The following PIK3R3 variants were observed in gnomAD, a reference collection of about 807,000 sequenced individuals.
PIK3R3 encodes the protein phosphatidylinositol 3-kinase regulatory subunit gamma.
Under a neutral mutation model 62.9 loss-of-function variants are expected in PIK3R3, and 64 were observed. That is an observed-to-expected ratio of 1.02 (90% CI 0.83 to 1.25). The LOEUF (loss-of-function observed/expected upper bound fraction) is 1.25. Among genes scored for constraint, PIK3R3 ranks in the 50% most tolerant of loss-of-function variants. The pLI is 0.00. For missense variants in PIK3R3, 614 were observed against 561.6 expected (o/e 1.09, Z -0.94); for synonymous variants, 165 against 189.0 (o/e 0.87, Z 1.04).
intron 3 of PIK3R3, among the ~76,000 whole-genome samples, chr1:46,071,696 C>CAAAAAAAA (rs1331276065): frequency 1.2e-4 from 2 of 17,252 alleles, no homozygotes; most frequent in African/African-American, 4.6e-4. Flanking sequence ...ACTCTGTCTC[C>CAAAAAAAA]AAAAAAAAAA....
the PIK3R3 span, among the ~76,000 whole-genome samples, chr1:46,143,767 G>T: frequency 6.6e-6 from 1 of 152,160 alleles, no homozygotes; most frequent in Non-Finnish European, 1.5e-5. Flanking sequence ...ATGGATGTGA[G>T]CTGCTATGCC....
intron 3 of PIK3R3, among the ~76,000 whole-genome samples, chr1:46,071,712 A>AATATATAT (rs1553148027): frequency 3.7e-4 from 9 of 24,646 alleles, no homozygotes; most frequent in African/African-American, 7.7e-4. Flanking sequence ...AAAAAAAAAA[A>AATATATAT]ATATATATAT....
the PIK3R3 span, among the ~76,000 whole-genome samples, chr1:46,154,168 T>C: frequency 2.0e-4 from 30 of 152,320 alleles, no homozygotes; most frequent in African/African-American, 7.2e-4. Flanking sequence ...GGAAATTCTA[T>C]TGCTGAAAGG....
intron 1 of PIK3R3, among the ~76,000 whole-genome samples, chr1:46,110,123 T>C (rs964434392): frequency 3.3e-5 from 5 of 149,342 alleles, no homozygotes; most frequent in East Asian, 3.9e-4. Context: ...TTTTTTTTTT[T>C]CTTTTTGAGA....
chr1:46,104,799 G>C (rs1307343366), intron 1 of PIK3R3, among the ~76,000 whole-genome samples: 5 of 151,898 alleles, frequency 3.3e-5, no homozygotes, highest in Admixed American at 3.3e-4. Flanking sequence ...GGGCATGGTG[G>C]CAAGCGCCTG....
At chr1:46,098,362 A>C (rs1017639845) in intron 1 of PIK3R3, among the ~76,000 whole-genome samples, 3 of 152,258 alleles carry the variant, frequency 2.0e-5, no homozygotes, top group African/African-American at 7.2e-5. Flanking sequence ...TATACGCAAC[A>C]GAACTGAAAA....
At chr1:46,161,835 G>T in the PIK3R3 span, among the ~76,000 whole-genome samples, 22 of 152,238 alleles carry the variant, frequency 1.4e-4, no homozygotes, top group Admixed American at 1.3e-3. Context: ...GCTCAAGCCT[G>T]TAATCCCAGC....
At chr1:46,075,161 T>G (rs1459042987) in intron 3 of PIK3R3, among the ~76,000 whole-genome samples, 3 of 152,250 alleles carry the variant, frequency 2.0e-5, no homozygotes, top group Non-Finnish European at 4.4e-5. Flanking sequence ...AAGTATCAAA[T>G]GCAGATATTT....
intron 1 of PIK3R3, among the ~76,000 whole-genome samples, chr1:46,130,988 TCAGA>T (rs750620430): frequency 4.1e-4 from 62 of 152,346 alleles, no homozygotes; most frequent in Non-Finnish European, 7.9e-4. Context: ...TGTAATAGCG[TCAGA>T]CAGAGCTTTA....
intron 1 of PIK3R3, among the ~76,000 whole-genome samples, chr1:46,129,320 TC>T (rs1488923151): frequency 6.6e-6 from 1 of 152,076 alleles, no homozygotes; most frequent in Non-Finnish European, 1.5e-5. Flanking sequence ...TATGATGCAC[TC>T]CAGGAGGAGA....
the PIK3R3 span, among the ~76,000 whole-genome samples, chr1:46,142,702 T>G: frequency 9.2e-6 from 1 of 108,526 alleles, no homozygotes; most frequent in African/African-American, 3.4e-5. Flanking sequence ...CGTCTCAAAA[T>G]AAAAAAAAAA....
the PIK3R3 span, among the ~76,000 whole-genome samples, chr1:46,172,985 G>A: frequency 2.0e-5 from 3 of 151,770 alleles, no homozygotes; most frequent in Non-Finnish European, 4.4e-5. Flanking sequence ...AGAGCCAGGC[G>A]CTGTCTCAAA....
At chr1:46,138,560 T>G in the PIK3R3 span, among the ~76,000 whole-genome samples, 1 of 152,196 alleles carries the variant, frequency 6.6e-6, no homozygotes, top group South Asian at 2.1e-4. Flanking sequence ...CTTGGGAGGC[T>G]GAGGCCAGAG....
At chr1:46,109,506 T>C (rs1012113274) in intron 1 of PIK3R3, among the ~76,000 whole-genome samples, 7 of 152,080 alleles carry the variant, frequency 4.6e-5, no homozygotes, top group Admixed American at 4.6e-4. Context: ...TTTTTTGAGA[T>C]GGAGTCTCCG....
At chr1:46,114,732 G>C (rs1654026463) in intron 1 of PIK3R3, among the ~76,000 whole-genome samples, 3 of 148,130 alleles carry the variant, frequency 2.0e-5, no homozygotes, top group Admixed American at 6.8e-5. Flanking sequence ...AGCCTCCCAA[G>C]TAGCCGAGAC....
At chr1:46,124,577 A>T (rs1373605302) in intron 1 of PIK3R3, among the ~76,000 whole-genome samples, 1 of 144,498 alleles carries the variant, frequency 6.9e-6, no homozygotes, top group African/African-American at 2.6e-5. Flanking sequence ...CGGGAAGACC[A>T]CCTGAGGTTG....
At chr1:46,079,381 C>T (rs2149412484) in intron 2 of PIK3R3, among the ~76,000 whole-genome samples, 1 of 152,236 alleles carries the variant, frequency 6.6e-6, no homozygotes, top group Middle Eastern at 3.4e-3. Flanking sequence ...CAAATCTGTC[C>T]TAGAGTCCTG....
intron 1 of PIK3R3, among the ~76,000 whole-genome samples, chr1:46,124,673 G>C (rs1306311328): frequency 6.6e-6 from 1 of 151,816 alleles, no homozygotes; most frequent in African/African-American, 2.4e-5. Flanking sequence ...GCACATGCCT[G>C]TAATCCCAGC....
chr1:46,041,621 C>T lies in PIK3R3; in HGVS notation c.*2052G>A, dbSNP rs1398688701. On this transcript the variant is annotated 3_prime_UTR_variant, in exon 10 of 10. Coordinates refer to ENST00000262741, the MANE Select transcript of PIK3R3 (RefSeq NM_003629.4). ...CCTTGCACGTAATCTTGAGCATCCA[C>T]CTGCTTCAGCAGGTTCAACACCAGG... The T allele has an allele frequency of 5.5e-6, 1 of 183,398 alleles. No individual in the cohort carries two copies. The highest frequency in any genetic ancestry group is 8.9e-5 in the East Asian group (1 of 11,246). The allele number at this position is 183,398 out of a possible 1,614,324, so 11.4% of individuals were successfully genotyped here.
Sources: gnomAD v4.1 joint callset for allele counts (sites outside exome capture counted in the v4.1 genomes callset) on GRCh38, gnomAD v4.1.1 for gene constraint, MANE v1.5 for transcripts, NCBI Gene and HGNC (gene_info 2026-07-23, HGNC 2026-07-21) for gene names.